The following TTI1 variants were observed in gnomAD, a reference collection of about 807,000 sequenced individuals.
TTI1 encodes the protein TELO2-interacting protein 1 homolog.
TTI1 carries 52 observed loss-of-function variants against 85.4 expected under a neutral mutation model. The ratio of observed to expected loss-of-function variants is 0.61; its 90% CI spans 0.49 to 0.77. TTI1 has a LOEUF of 0.77. Among genes scored for constraint, TTI1 ranks in the 30% least tolerant of loss-of-function variants. The probability of loss-of-function intolerance (pLI) is 0.00; values close to 1 mark genes in which losing one functional copy is unlikely to be tolerated. For synonymous variants in TTI1, 512 were observed against 503.9 expected (o/e 1.02, Z -0.22); for missense variants, 1,173 against 1,296.0 (o/e 0.91, Z 1.46).
intron 7 of TTI1, among the ~76,000 whole-genome samples, chr20:37,984,534 A>G (rs927597171): frequency 6.6e-6 from 1 of 152,198 alleles, no homozygotes; most frequent in Non-Finnish European, 1.5e-5. Flanking sequence ...AACTTCATAC[A>G]TGGTGGCAAT....
At chr20:38,007,973 A>G (rs576730986) in intron 2 of TTI1, among the ~76,000 whole-genome samples, 12 of 152,390 alleles carry the variant, frequency 7.9e-5, no homozygotes, top group African/African-American at 2.6e-4. Flanking sequence ...GATTATTTCT[A>G]GATTCAAGGC....
chr20:38,002,554 G>T, intron 4 of TTI1, 74 bp downstream of exon 4: 3 of 1,577,876 alleles, frequency 1.9e-6, no homozygotes, highest in Non-Finnish European at 2.6e-6. Flanking sequence ...GTGCTCATCC[G>T]TGTAGCCACT....
In TTI1 at chr20:38,012,351, C is replaced by G; in HGVS notation, c.1466G>C (p.Arg489Thr). 2 of 1,614,152 alleles carry G rather than the reference C, an allele frequency of 1.2e-6. No individual in the cohort carries two copies. The highest frequency in any genetic ancestry group is 1.7e-6 in the Non-Finnish European group (2 of 1,180,036). ...FTDERIFMLL[R>T]QVCQLLGYYG... is the part of the protein sequence containing the mutation. ...ATAACCAAGTAGCTGACAAACCTGCCTCAAGAGCATGAAGATTCTCTCATC... is the reference window on the plus strand; with the variant it reads ...ATAACCAAGTAGCTGACAAACCTGCGTCAAGAGCATGAAGATTCTCTCATC... The change falls in exon 2 of 8, where the codon AGG becomes ACG. Residue 489 changes from arginine to threonine, a missense_variant. Coordinates refer to ENST00000373447, the MANE Select transcript of TTI1 (RefSeq NM_001303457.2).
In TTI1 at chr20:38,011,970, G is replaced by GTGGGAC. The variant is rs2073599394; in HGVS notation, c.1841_1846dup (p.Ser614_Pro615dup). On this transcript the variant is annotated inframe_insertion, in exon 2 of 8. Coordinates refer to ENST00000373447, the MANE Select transcript of TTI1 (RefSeq NM_001303457.2). ...GATGTTACTGTTCATGGAGCAAATA[G>GTGGGAC]TGGGACTTGGCTTTGAGAAGGCTAG... 6.2e-7 allele frequency: 1 copy of GTGGGAC among 1,614,136 alleles called. No individual in the cohort carries two copies. The highest frequency in any genetic ancestry group is 1.3e-5 in the African/African-American group (1 of 74,936).
chr20:37,987,777 T>C (rs2073211668), intron 7 of TTI1, among the ~76,000 whole-genome samples: 1 of 152,224 alleles, frequency 6.6e-6, no homozygotes, highest in Non-Finnish European at 1.5e-5. Flanking sequence ...AATGCAGTTT[T>C]ATTGAATTTC....
chr20:38,013,988 A>G (rs543386233), intron 1 of TTI1, 131 bp from the exon 2 acceptor site: 1 of 855,636 alleles, frequency 1.2e-6, no homozygotes, highest in East Asian at 2.7e-5. Context: ...CTAGGGGTGC[A>G]ATGAAACTGA....
At chr20:37,984,924 T>C (rs1487482122) in intron 7 of TTI1, among the ~76,000 whole-genome samples, 1 of 152,060 alleles carries the variant, frequency 6.6e-6, no homozygotes, top group African/African-American at 2.4e-5. Flanking sequence ...AACAATGAGT[T>C]CTCATTTTAA....
intron 7 of TTI1, among the ~76,000 whole-genome samples, chr20:37,984,633 C>T (rs182384524): frequency 9.7e-4 from 148 of 152,312 alleles, no homozygotes; most frequent in African/African-American, 3.1e-3. Context: ...AGCTCACCAT[C>T]GCCTGCTCGG....
At chr20:37,998,637 C>G (rs938119686) in intron 5 of TTI1, among the ~76,000 whole-genome samples, 1 of 152,204 alleles carries the variant, frequency 6.6e-6, no homozygotes, top group African/African-American at 2.4e-5. Flanking sequence ...TTTCACCAAA[C>G]AGTCCCATTT....
At chr20:38,009,684 G>A (rs2073553520) in intron 2 of TTI1, among the ~76,000 whole-genome samples, 3 of 151,904 alleles carry the variant, frequency 2.0e-5, no homozygotes, top group Non-Finnish European at 4.4e-5. Flanking sequence ...TCCATTTTTA[G>A]TAGAGACGAG....
intron 7 of TTI1, among the ~76,000 whole-genome samples, chr20:37,996,133 G>A (rs79869773): frequency 0.021 from 3,166 of 152,280 alleles, 101 homozygotes; most frequent in African/African-American, 0.071. Flanking sequence ...CTAGCACACC[G>A]TCTTTCTGCT....
Position 38,013,463 on chromosome 20 carries a change from C to T in TTI1, c.354G>A (p.Glu118=). 8.7e-6 allele frequency: 14 copies of T among 1,614,056 alleles called. 1 individual carries two copies. Among genetic ancestry groups the T allele is most frequent in the South Asian group, 2.2e-5 (2 of 91,078 alleles). ...GTCCCTGGATCACAGCCAATTTCAA[C>T]TCCTCGGACACAGCCGCAGGTTTTT... The part of the protein sequence containing the change: ...SSQKPAAVSE[E]LKLAVIQGLS... The change falls in exon 2 of 8, where the codon GAG becomes GAA. Residue 118 remains glutamate (E), a synonymous_variant. Coordinates refer to ENST00000373447, the MANE Select transcript of TTI1 (RefSeq NM_001303457.2).
chr20:38,007,075 G>A (rs1261670638), intron 2 of TTI1, among the ~76,000 whole-genome samples: 7 of 152,268 alleles, frequency 4.6e-5, no homozygotes, highest in South Asian at 4.1e-4. Context: ...TCATCCTATC[G>A]ATATGCTGAG....
rs1383043760 is a variant in TTI1, at chr20:38,012,085, T to C, written c.1732A>G (p.Thr578Ala). The change falls in exon 2 of 8, where the codon ACT becomes GCT. Residue 578 changes from threonine (T) to alanine (A), a missense_variant. By Grantham distance (58) the Thr-to-Ala change is moderately conservative. Transcript: ENST00000373447. ...ENWYLVTCLE[T>A]EEMGEELMME... Reference sequence around the variant, plus strand: ...ATCAGCTCCTCTCCCATTTCCTCAGTTTCAAGACAGGTAACCAAATACCAA... The same window carrying C: ...ATCAGCTCCTCTCCCATTTCCTCAGCTTCAAGACAGGTAACCAAATACCAA... 1.9e-6 allele frequency: 3 copies of C among 1,614,062 alleles called. No homozygotes were observed. In the Admixed American group the frequency reaches 5.0e-5, roughly 27 times the overall value.
intron 3 of TTI1, among the ~76,000 whole-genome samples, chr20:38,005,654 C>T (rs1384664082): frequency 6.6e-6 from 1 of 152,152 alleles, no homozygotes; most frequent in East Asian, 1.9e-4. Context: ...AACCAGTATT[C>T]ATCCTGCACT....
intron 1 of TTI1, among the ~76,000 whole-genome samples, chr20:38,021,961 G>C (rs1338360828): frequency 1.3e-5 from 2 of 152,210 alleles, no homozygotes; most frequent in Non-Finnish European, 2.9e-5. Context: ...AGTGCAAAAG[G>C]AATTTGGAAA....
rs772839935 is a variant in TTI1 at position 38,020,310 on chromosome 20, G to GAAAAAAA, written c.-41-6460_-41-6454dup. On this transcript the variant is annotated intron_variant, in intron 1 of 7. Coordinates refer to ENST00000373447, the MANE Select transcript of TTI1 (RefSeq NM_001303457.2). The stretch of plus-strand genomic sequence containing the variant: ...TGCTATGTCACTTGGCTACTCATAT[G>GAAAAAAA]AAAAAAAAAAAAAATATATATATAT... 5.1e-3 allele frequency among the ~76,000 whole-genome samples: 248 copies of GAAAAAAA among 48,218 alleles called. 7 individuals carry two copies. Among genetic ancestry groups the GAAAAAAA allele is most frequent in the East Asian group, 0.025 (41 of 1,620 alleles). 31.6% of individuals were successfully genotyped at this position (48,218 alleles called of 152,430 possible). A position where few individuals can be genotyped will look rare whatever the true frequency, so the allele number is the denominator to read the frequency against.
intron 1 of TTI1, among the ~76,000 whole-genome samples, chr20:38,027,442 C>T (rs1358137835): frequency 6.6e-6 from 1 of 151,878 alleles, no homozygotes; most frequent in Non-Finnish European, 1.5e-5. Flanking sequence ...GTTAGGAGTG[C>T]CAACCCCCTC....
chr20:38,018,512 A>AGAC (rs1482800418), intron 1 of TTI1, among the ~76,000 whole-genome samples: 2 of 152,226 alleles, frequency 1.3e-5, no homozygotes, highest in African/African-American at 4.8e-5. Flanking sequence ...GAGTCTCAGA[A>AGAC]GACAGCATAG....
Sources: gnomAD v4.1 joint callset for allele counts (sites outside exome capture counted in the v4.1 genomes callset) on GRCh38, gnomAD v4.1.1 for gene constraint, MANE v1.5 for transcripts, NCBI Gene and HGNC (gene_info 2026-07-23, HGNC 2026-07-21) for gene names.